Variants in CDH13 observed in about 807,000 individuals in gnomAD.
The protein encoded by CDH13 is cadherin 13, also known as cadherin-13.
CDH13 carries 24 observed loss-of-function variants against 63.8 expected under a neutral mutation model. The ratio of observed to expected loss-of-function variants is 0.38; its 90% CI spans 0.27 to 0.53. The LOEUF (loss-of-function observed/expected upper bound fraction) is 0.53. Ranked by LOEUF, CDH13 falls within the 20% of genes least tolerant of loss-of-function variation. CDH13 has a pLI of 0.85. For missense variants in CDH13, 1,049 were observed against 903.1 expected (o/e 1.16, Z -2.07); for synonymous variants, 503 against 355.3 (o/e 1.42, Z -4.67).
At chr16:83,500,605 C>G (rs561971333) in intron 7 of CDH13, among the ~76,000 whole-genome samples, 2 of 115,284 alleles carry the variant, frequency 1.7e-5, no homozygotes, top group Admixed American at 9.6e-5. Flanking sequence ...TGGCGTCTCA[C>G]TCTGTCACCC....
chr16:83,745,566 A>G (rs541977375), intron 10 of CDH13, among the ~76,000 whole-genome samples: 1 of 152,182 alleles, frequency 6.6e-6, no homozygotes, highest in Non-Finnish European at 1.5e-5. Context: ...CTGGGTCGCC[A>G]TGAGGCTTGT....
In CDH13 at chr16:83,620,385, G is replaced by T. The variant is rs570523165; in HGVS notation, c.1101+17791G>T. The stretch of plus-strand genomic sequence containing the variant: ...CAACCTGTCGACAGAGCGAGACTCC[G>T]TCTCAAAAAAAAAAAAAAAAAAAAA... On this transcript the variant is annotated intron_variant, in intron 8 of 13. Coordinates refer to ENST00000567109, the MANE Select transcript of CDH13 (RefSeq NM_001257.5). Among the ~76,000 whole-genome samples the T allele has an allele frequency of 3.8e-5, 3 of 78,506 alleles. No individual in the cohort carries two copies. The Admixed American group carries it at 5.2e-4, about 14-fold the overall frequency. 51.5% of individuals were successfully genotyped at this position (78,506 alleles called of 152,430 possible).
At chr16:83,212,488 A>G (rs1420816839) in intron 4 of CDH13, among the ~76,000 whole-genome samples, 1 of 152,164 alleles carries the variant, frequency 6.6e-6, no homozygotes, top group African/African-American at 2.4e-5. Context: ...ACACACGTAG[A>G]GATGTTGCAT....
intron 4 of CDH13, among the ~76,000 whole-genome samples, chr16:83,138,813 G>C (rs2036408849): frequency 6.6e-6 from 1 of 152,108 alleles, no homozygotes; most frequent in South Asian, 2.1e-4. Flanking sequence ...AGAAATCCAG[G>C]AGGGTGACGA....
chr16:82,817,680 C>G (rs1290996704), intron 1 of CDH13, among the ~76,000 whole-genome samples: 1 of 152,008 alleles, frequency 6.6e-6, no homozygotes, highest in Admixed American at 6.6e-5. Context: ...TGGTGCACAC[C>G]TGTAGTCCCA....
At chr16:83,188,511 C>G (rs1002393895) in intron 4 of CDH13, among the ~76,000 whole-genome samples, 1 of 152,126 alleles carries the variant, frequency 6.6e-6, no homozygotes, top group Admixed American at 6.5e-5. Flanking sequence ...GCCCATCTCC[C>G]AGAGGGGGGA....
chr16:83,595,166 G>C (rs1300665175), intron 7 of CDH13, among the ~76,000 whole-genome samples: 2 of 152,198 alleles, frequency 1.3e-5, no homozygotes. Flanking sequence ...TTTTGACACA[G>C]TGCATTTCTT....
intron 5 of CDH13, among the ~76,000 whole-genome samples, chr16:83,284,404 A>G (rs1237127018): frequency 6.6e-6 from 1 of 152,202 alleles, no homozygotes; most frequent in Non-Finnish European, 1.5e-5. Flanking sequence ...TCACAGGTAA[A>G]AGTAAAATGA....
At chr16:83,737,677 C>G (rs1219316757) in intron 10 of CDH13, among the ~76,000 whole-genome samples, 1 of 152,136 alleles carries the variant, frequency 6.6e-6, no homozygotes, top group Non-Finnish European at 1.5e-5. Flanking sequence ...TCAGAGCCAC[C>G]TGGAAAACAT....
intron 1 of CDH13, among the ~76,000 whole-genome samples, chr16:82,684,506 A>T (rs1269624136): frequency 6.6e-6 from 1 of 152,156 alleles, no homozygotes; most frequent in Non-Finnish European, 1.5e-5. Flanking sequence ...GTGCACGGGT[A>T]GAGAAGTTAT....
chr16:83,205,750 G>A (rs1276382886), intron 4 of CDH13, among the ~76,000 whole-genome samples: 1 of 151,724 alleles, frequency 6.6e-6, no homozygotes, highest in Non-Finnish European at 1.5e-5. Flanking sequence ...GGCTACAAGT[G>A]TGCACCACCA....
At chr16:83,664,880 G>C (rs1450596544) in intron 8 of CDH13, among the ~76,000 whole-genome samples, 3 of 152,212 alleles carry the variant, frequency 2.0e-5, no homozygotes, top group Non-Finnish European at 1.5e-5. Context: ...TAGATGTACA[G>C]TACCTACAAA....
intron 7 of CDH13, among the ~76,000 whole-genome samples, chr16:83,579,674 A>T (rs769160207): frequency 1.3e-5 from 2 of 152,078 alleles, no homozygotes; most frequent in African/African-American, 2.4e-5. Flanking sequence ...CATTTATTTC[A>T]TTCACAAGTG....
At chr16:83,410,771 G>A (rs1370212849) in intron 6 of CDH13, among the ~76,000 whole-genome samples, 1 of 152,158 alleles carries the variant, frequency 6.6e-6, no homozygotes, top group East Asian at 1.9e-4. Context: ...CTGAGTCGTT[G>A]GCAATCAGCT....
chr16:83,138,531 T>A (rs1219290093), intron 4 of CDH13, among the ~76,000 whole-genome samples: 1 of 152,144 alleles, frequency 6.6e-6, no homozygotes, highest in Non-Finnish European at 1.5e-5. Context: ...GACGGTGGTC[T>A]GTCCAGAGAG....
intron 1 of CDH13, among the ~76,000 whole-genome samples, chr16:82,812,192 A>T (rs2037481043): frequency 6.6e-6 from 1 of 152,172 alleles, no homozygotes; most frequent in Non-Finnish European, 1.5e-5. Flanking sequence ...CCCCTCTTCG[A>T]AGGATCCTGT....
At chr16:82,637,321 C>G (rs1242233370) in intron 1 of CDH13, among the ~76,000 whole-genome samples, 2 of 151,964 alleles carry the variant, frequency 1.3e-5, no homozygotes, top group African/African-American at 4.8e-5. Flanking sequence ...TTCTGCTTTC[C>G]CTTCTTTTCT....
At chr16:83,550,361 A>G (rs967351956) in intron 7 of CDH13, among the ~76,000 whole-genome samples, 1 of 152,264 alleles carries the variant, frequency 6.6e-6, no homozygotes. Context: ...GCTTTCCAGC[A>G]TCTGCTATGA....
intron 1 of CDH13, among the ~76,000 whole-genome samples, chr16:82,814,827 G>C (rs530033828): frequency 6.6e-5 from 10 of 152,174 alleles, no homozygotes; most frequent in Non-Finnish European, 1.2e-4. Context: ...TCTGAAGTAG[G>C]GGACAGTCTT....
Sources: allele counts gnomAD v4.1 joint callset (sites outside exome capture counted in the v4.1 genomes callset), GRCh38; gene constraint gnomAD v4.1.1; transcripts MANE v1.5; gene names NCBI Gene and HGNC (gene_info 2026-07-23, HGNC 2026-07-21).